The following ASB7 variants were observed in gnomAD, a reference collection of about 807,000 sequenced individuals.
ASB7 encodes ankyrin repeat and SOCS box protein 7.
ASB7 carries 4 observed loss-of-function variants against 32.5 expected under a neutral mutation model. That is an observed-to-expected ratio of 0.12 (90% confidence interval 0.06 to 0.28). The LOEUF is 0.28. ASB7 is among the 10% of genes least tolerant of loss of function. ASB7 has a pLI of 1.00. For synonymous variants in ASB7, 172 were observed against 155.6 expected (o/e 1.11, Z -0.78); for missense variants, 181 against 407.1 (o/e 0.44, Z 4.78).
At chr15:100,624,688 A>C (rs1378065394) in intron 4 of ASB7, among the ~76,000 whole-genome samples, 1 of 152,222 alleles carries the variant, frequency 6.6e-6, no homozygotes, top group African/African-American at 2.4e-5. Context: ...CTGGCTTCTC[A>C]TTGAATTATT....
At chr15:100,618,818 C>G (rs565581088) in intron 4 of ASB7, among the ~76,000 whole-genome samples, 3 of 152,310 alleles carry the variant, frequency 2.0e-5, no homozygotes, top group African/African-American at 7.2e-5. Flanking sequence ...CCTTCTGGTA[C>G]TTCGTCATTT....
At chr15:100,616,977 G>C (rs544009161) in intron 4 of ASB7, among the ~76,000 whole-genome samples, 6 of 152,198 alleles carry the variant, frequency 3.9e-5, no homozygotes, top group Admixed American at 2.6e-4. Context: ...GTTCATTCTA[G>C]TAAGTGTCAC....
At chr15:100,645,428 C>A in intron 5 of ASB7, 1 of 328,710 alleles carries the variant, frequency 3.0e-6, no homozygotes, top group Non-Finnish European at 5.8e-6. Context: ...GAGTTCATGC[C>A]CCCCGGAATA....
At chr15:100,642,036 A>G (rs1209880600) in intron 5 of ASB7, among the ~76,000 whole-genome samples, 1 of 152,222 alleles carries the variant, frequency 6.6e-6, no homozygotes, top group Non-Finnish European at 1.5e-5. Context: ...ATTAAAGGAA[A>G]TTCTGCAGAC....
In ASB7 at chr15:100,651,305, C is replaced by T. The variant is rs146934503; in HGVS notation, c.*2843C>T. ...CTAAACTATTTACTACACAGTAATCCATGCCTGTTAGTTTGGAGGACTTGA... is the reference window on the plus strand; with the variant it reads ...CTAAACTATTTACTACACAGTAATCTATGCCTGTTAGTTTGGAGGACTTGA... On this transcript the variant is annotated 3_prime_UTR_variant, in exon 6 of 6. Transcript: ENST00000332783. 93 of 152,012 alleles carry T rather than the reference C, an allele frequency of 6.1e-4. No individual in the cohort carries two copies. Among genetic ancestry groups the T allele is most frequent in the African/African-American group, 2.1e-3 (87 of 41,452 alleles). 9.4% of individuals were successfully genotyped at this position (152,012 alleles called of 1,614,324 possible).
chr15:100,644,202 T>A (rs1255266858), intron 5 of ASB7, among the ~76,000 whole-genome samples: 1 of 152,176 alleles, frequency 6.6e-6, no homozygotes, highest in Non-Finnish European at 1.5e-5. Flanking sequence ...GAATTGAGAT[T>A]GCACCACTGC....
intron 5 of ASB7, among the ~76,000 whole-genome samples, chr15:100,639,566 G>A (rs1471238311): frequency 1.3e-5 from 2 of 152,070 alleles, no homozygotes; most frequent in African/African-American, 2.4e-5. Flanking sequence ...TGTTCCTTTT[G>A]CATGCTACTT....
In ASB7 at chr15:100,634,396, T is replaced by C. The variant is rs141599756; in HGVS notation, c.817+4354T>C. Among the ~76,000 whole-genome samples the C allele has an allele frequency of 1.1e-3, 174 of 152,354 alleles. 1 individual carries two copies. In the East Asian group the frequency reaches 0.02, roughly 18 times the overall value. ...GTTCAAAGAGAAGTAGGAGAAAATA[T>C]ATGTTTTTGGGGAAAACCCCACCTC... On this transcript the variant is annotated intron_variant, in intron 5 of 5. Transcript: ENST00000332783.
intron 4 of ASB7, among the ~76,000 whole-genome samples, chr15:100,618,652 C>G (rs77728449): frequency 6.8e-6 from 1 of 147,880 alleles, no homozygotes; most frequent in Non-Finnish European, 1.5e-5. Flanking sequence ...TGTGGAGAGA[C>G]AGAGAGGAAG....
intron 2 of ASB7, among the ~76,000 whole-genome samples, chr15:100,604,932 C>T (rs2039629565): frequency 6.6e-6 from 1 of 152,198 alleles, no homozygotes; most frequent in Admixed American, 6.5e-5. Flanking sequence ...GTTTTGTATT[C>T]AAGCCTCTCA....
intron 3 of ASB7, among the ~76,000 whole-genome samples, chr15:100,611,462 T>C (rs1294884298): frequency 6.7e-6 from 1 of 148,442 alleles, no homozygotes; most frequent in African/African-American, 2.5e-5. Context: ...ATCATGTGGT[T>C]AATCACCAGA....
chr15:100,611,457 G>A (rs906278960), intron 3 of ASB7, among the ~76,000 whole-genome samples: 2 of 120,018 alleles, frequency 1.7e-5, no homozygotes, highest in African/African-American at 6.2e-5. Flanking sequence ...ATTTGATCAT[G>A]TGGTTAATCA....
chr15:100,614,011 G>A (rs1265101677), intron 4 of ASB7, among the ~76,000 whole-genome samples: 4 of 152,112 alleles, frequency 2.6e-5, no homozygotes, highest in Non-Finnish European at 4.4e-5. Flanking sequence ...GGTAGCTCAC[G>A]CCTGTAATCC....
intron 5 of ASB7, among the ~76,000 whole-genome samples, chr15:100,647,982 A>G (rs1298183692): frequency 1.3e-5 from 2 of 152,346 alleles, no homozygotes; most frequent in East Asian, 3.9e-4. Context: ...AATTTTCCTG[A>G]TTTATAACAG....
chr15:100,611,524 G>A (rs61109896), intron 3 of ASB7, among the ~76,000 whole-genome samples: 1 of 93,136 alleles, frequency 1.1e-5, no homozygotes, highest in African/African-American at 4.0e-5. Flanking sequence ...CTCTTGCCCA[G>A]GCTGGAGTGC....
chr15:100,610,939 C>T (rs2039690511), intron 3 of ASB7, among the ~76,000 whole-genome samples: 1 of 152,218 alleles, frequency 6.6e-6, no homozygotes, highest in South Asian at 2.1e-4. Context: ...TAGTTAAAAG[C>T]TTAAAAACAC....
At chr15:100,628,567 G>A (rs1427875969) in intron 4 of ASB7, among the ~76,000 whole-genome samples, 3 of 152,136 alleles carry the variant, frequency 2.0e-5, no homozygotes, top group Non-Finnish European at 4.4e-5. Context: ...ACCAGTCCTC[G>A]TCCGTCTTCT....
intron 4 of ASB7, among the ~76,000 whole-genome samples, chr15:100,623,113 G>C (rs1250908466): frequency 6.6e-6 from 1 of 152,114 alleles, no homozygotes; most frequent in Admixed American, 6.5e-5. Flanking sequence ...TTAAAAAGTG[G>C]GCAGGTCAGG....
chr15:100,634,572 A>G (rs968604519), intron 5 of ASB7, among the ~76,000 whole-genome samples: 1 of 152,172 alleles, frequency 6.6e-6, no homozygotes, highest in African/African-American at 2.4e-5. Flanking sequence ...GGGAGGCCAA[A>G]GCAGGTGGAT....
Sources: gnomAD v4.1 joint callset for allele counts (sites outside exome capture counted in the v4.1 genomes callset) on GRCh38, gnomAD v4.1.1 for gene constraint, MANE v1.5 for transcripts, NCBI Gene and HGNC (gene_info 2026-07-23, HGNC 2026-07-21) for gene names.